Variants in AVPI1 observed in about 807,000 individuals in gnomAD.
AVPI1 encodes the protein arginine vasopressin induced 1, also known as arginine vasopressin-induced protein 1.
In AVPI1, 9 loss-of-function variants were observed where a neutral mutation model predicts 11.9. The ratio of observed to expected loss-of-function variants is 0.76; its 90% CI spans 0.46 to 1.32. AVPI1 has a LOEUF of 1.32. AVPI1 is among the 40% of genes most tolerant of loss of function. The pLI is 0.00. For missense variants in AVPI1, 207 were observed against 195.8 expected (o/e 1.06, Z -0.34); for synonymous variants, 68 against 78.1 (o/e 0.87, Z 0.68).
chr10:97,678,953 G>T (rs1564779913), intron 2 of AVPI1, among the ~76,000 whole-genome samples: 1,217 of 45,986 alleles, frequency 0.026, 191 homozygotes, highest in Middle Eastern at 0.077. Flanking sequence ...GTGTGTGTGT[G>T]TGTGTGTGTG....
At position 97,679,075 on chromosome 10, in the gene AVPI1, A is replaced by C. The variant is rs1047325517; in HGVS notation, c.287+544T>G. 2.8e-5 allele frequency among the ~76,000 whole-genome samples: 4 copies of C among 142,856 alleles called. No individual in the cohort carries two copies. The Admixed American group carries it at 2.9e-4, about 10-fold the overall frequency. 93.7% of individuals were successfully genotyped at this position (142,856 alleles called of 152,430 possible). Reference sequence around the variant, plus strand: ...AACGGCAGAATGAGGTGATGCTACTAGGACTCAGGCATCTCTTTCCATGGG... The same window carrying C: ...AACGGCAGAATGAGGTGATGCTACTCGGACTCAGGCATCTCTTTCCATGGG... On this transcript the variant is annotated intron_variant, in intron 2 of 2. Coordinates refer to ENST00000370626, the MANE Select transcript of AVPI1 (RefSeq NM_021732.3).
chr10:97,679,978 T>C, intron 1 of AVPI1, 63 bp from the exon 2 acceptor site: 2 of 1,404,218 alleles, frequency 1.4e-6, no homozygotes, highest in Non-Finnish European at 1.9e-6. Flanking sequence ...CTGGGGGTCC[T>C]GGCTAATCCT....
chr10:97,684,497 CTTTTTT>C (rs5787253), intron 1 of AVPI1, among the ~76,000 whole-genome samples: 6 of 117,568 alleles, frequency 5.1e-5, no homozygotes, highest in Non-Finnish European at 1.0e-4. Flanking sequence ...TCTTTTTACT[CTTTTTT>C]TTTTTTTTTT....
intron 1 of AVPI1, among the ~76,000 whole-genome samples, chr10:97,684,497 CTTTTT>C (rs5787253): frequency 8.5e-6 from 1 of 117,566 alleles, no homozygotes; most frequent in Non-Finnish European, 1.7e-5. Context: ...TCTTTTTACT[CTTTTT>C]TTTTTTTTTT....
intron 1 of AVPI1, among the ~76,000 whole-genome samples, chr10:97,683,980 C>A (rs145464492): frequency 8.5e-5 from 13 of 152,172 alleles, no homozygotes; most frequent in Non-Finnish European, 1.9e-4. Flanking sequence ...GAAGGAGGAA[C>A]GGAGCTACTT....
At position 97,684,358 on chromosome 10, in the gene AVPI1, T is replaced by G. The variant is rs545424619; in HGVS notation, c.-11+2408A>C. Among the ~76,000 whole-genome samples the G allele has an allele frequency of 5.9e-5, 9 of 152,074 alleles. No homozygotes were observed. In the South Asian group the frequency reaches 1.5e-3, roughly 25 times the overall value. Reference sequence around the variant, plus strand: ...TCTCCCAGGATGGCAAGGCTTTGACTCCACAGCTTCAGCGAGCTGCGAGTC... The same window carrying G: ...TCTCCCAGGATGGCAAGGCTTTGACGCCACAGCTTCAGCGAGCTGCGAGTC... On this transcript the variant is annotated intron_variant, in intron 1 of 2. Transcript: ENST00000370626.
chr10:97,678,167 T>C (rs2135768384), intron 2 of AVPI1, 142 bp from the exon 3 acceptor site: 1 of 920,810 alleles, frequency 1.1e-6, no homozygotes, highest in East Asian at 2.6e-5. Context: ...TTTCCCCCTC[T>C]GAGAACTGTC....
intron 2 of AVPI1, among the ~76,000 whole-genome samples, chr10:97,678,697 AAAAG>A (rs1001175502): frequency 6.6e-6 from 1 of 151,860 alleles, no homozygotes; most frequent in Non-Finnish European, 1.5e-5. Flanking sequence ...AAAAAAAAAA[AAAAG>A]AGAATCTCAC....
In AVPI1 at chr10:97,678,939, G is replaced by T. The variant is rs1343113133; in HGVS notation, c.287+680C>A. On this transcript the variant is annotated intron_variant, in intron 2 of 2. Coordinates refer to ENST00000370626, the MANE Select transcript of AVPI1 (RefSeq NM_021732.3). The stretch of plus-strand genomic sequence containing the variant: ...TGTGTGTGTGTGTGTGTGTGTGTGT[G>T]TGTGTGTGTGTGTGTGTGTGTGTGT... Among the ~76,000 whole-genome samples, 8 of 48,260 alleles carry T rather than the reference G, an allele frequency of 1.7e-4. 1 individual carries two copies. The highest frequency in any genetic ancestry group is 1.5e-3 in the East Asian group (2 of 1,354). The allele number at this position is 48,260 out of a possible 152,430, so 31.7% of individuals were successfully genotyped here.
At chr10:97,678,916 T>TTTTCAGAGACAGGATCTCGCC (rs1564779820) in intron 2 of AVPI1, among the ~76,000 whole-genome samples, 6 of 11,324 alleles carry the variant, frequency 5.3e-4, no homozygotes, top group East Asian at 1.9e-3. Flanking sequence ...TGTGTGTGTG[T>TTTTCAGAGACAGGATCTCGCC]GTGTGTGTGT....
rs2041686289 is a variant in AVPI1, at chr10:97,678,967, G to GACAGGA, written c.287+651_287+652insTCCTGT. ...TGTGTGTGTGTGTGTGTGTGTGTGT[G>GACAGGA]TGTGTGTGTGTGTGTGTGTGTGTGT... On this transcript the variant is annotated intron_variant, in intron 2 of 2. Transcript: ENST00000370626. Among the ~76,000 whole-genome samples, 3 of 93,206 alleles carry GACAGGA rather than the reference G, an allele frequency of 3.2e-5. 1 individual carries two copies. In the East Asian group the frequency reaches 8.1e-4, roughly 25 times the overall value. 61.1% of individuals were successfully genotyped at this position (93,206 alleles called of 152,430 possible).
chr10:97,678,920 TGTGTGTGTGTGTGTGTGTGTG>T (rs2041683578), intron 2 of AVPI1, among the ~76,000 whole-genome samples: 3 of 14,484 alleles, frequency 2.1e-4, no homozygotes, highest in East Asian at 3.0e-3. Context: ...TGTGTGTGTG[TGTGTGTGTGTGTGTGTGTGTG>T]TGTGTGTGTG....
chr10:97,677,949 A>G lies in AVPI1; in HGVS notation c.364T>C (p.Ser122Pro), dbSNP rs778989445. ...CGGATCCTGGCACTTTTCTTCCTAG[A>G]GTGCAGATACTGCTCACTGGAGGCT... ...ETASSEQYLH[S>P]RKKSARIRRN... Residue 122 changes from serine (S) to proline (P), a missense_variant, in exon 3 of 3, where the codon TCT (serine) becomes CCT (proline). Transcript: ENST00000370626. The G allele has an allele frequency of 2.5e-6, 4 of 1,613,966 alleles. No homozygotes were observed. Among genetic ancestry groups the G allele is most frequent in the Non-Finnish European group, 3.4e-6 (4 of 1,179,984 alleles).
chr10:97,682,620 C>G (rs1208115749), intron 1 of AVPI1, among the ~76,000 whole-genome samples: 1 of 152,062 alleles, frequency 6.6e-6, no homozygotes, highest in African/African-American at 2.4e-5. Flanking sequence ...CTTGCCCTGG[C>G]CTTCTCCGCT....
At chr10:97,685,567 G>T (rs2041724718) in intron 1 of AVPI1, among the ~76,000 whole-genome samples, 1 of 152,106 alleles carries the variant, frequency 6.6e-6, no homozygotes, top group African/African-American at 2.4e-5. Flanking sequence ...TGTAATCAGG[G>T]GCCTAGGGGC....
intron 1 of AVPI1, among the ~76,000 whole-genome samples, chr10:97,684,196 C>T (rs1323211052): frequency 3.3e-5 from 5 of 152,172 alleles, no homozygotes; most frequent in Non-Finnish European, 5.9e-5. Flanking sequence ...CCGGGGCAGA[C>T]GCCTAGGCAG....
In AVPI1 at chr10:97,679,698, C is replaced by T. The variant is rs144748061; in HGVS notation, c.208G>A (p.Ala70Thr). ...ECAGDHRVAE[A>T]LKRLRRKRPP... ...CTCTTCCTGCGCAGCCTCTTGAGGG[C>T]CTCAGCCACACGGTGGTCCCCTGCA... Residue 70 changes from alanine (A) to threonine (T), a missense_variant, in exon 2 of 3, where the codon GCC becomes ACC. By Grantham distance (58) the Ala-to-Thr change is moderately conservative. Transcript: ENST00000370626. The T allele has an allele frequency of 1.2e-6, 2 of 1,614,156 alleles. No individual in the cohort carries two copies. Among genetic ancestry groups the T allele is most frequent in the Admixed American group, 1.7e-5 (1 of 60,022 alleles).
At chr10:97,679,043 TGA>T (rs150885366) in intron 2 of AVPI1, among the ~76,000 whole-genome samples, 5,865 of 146,808 alleles carry the variant, frequency 0.04, 208 homozygotes, top group East Asian at 0.076. Flanking sequence ...GCTGGTAAGC[TGA>T]GAATAACGGC....
chr10:97,680,000 TG>T, intron 1 of AVPI1, 85 bp from the exon 2 acceptor site: 1 of 1,289,224 alleles, frequency 7.8e-7, no homozygotes, highest in Non-Finnish European at 1.0e-6. Flanking sequence ...GGGCTTCTGA[TG>T]TTTCCATTCT....
Sources: allele counts gnomAD v4.1 joint callset (sites outside exome capture counted in the v4.1 genomes callset), GRCh38; gene constraint gnomAD v4.1.1; transcripts MANE v1.5; gene names NCBI Gene and HGNC (gene_info 2026-07-23, HGNC 2026-07-21).